The following UTRN variants were observed in gnomAD, a reference collection of about 807,000 sequenced individuals.
The protein encoded by UTRN is dystrophin-related protein 1.
UTRN carries 283 observed loss-of-function variants against 463.9 expected under a neutral mutation model. The ratio of observed to expected loss-of-function variants is 0.61; its 90% confidence interval spans 0.55 to 0.67. UTRN has a LOEUF of 0.67. UTRN is among the 30% of genes least tolerant of loss of function. The probability of loss-of-function intolerance (pLI) is 0.00; values close to 1 mark genes in which losing one functional copy is unlikely to be tolerated. For missense variants in UTRN, 3,922 were observed against 4,084.3 expected, an observed-to-expected ratio of 0.96 and a Z score of 1.08; for synonymous variants, 1,442 against 1,431.5, an observed-to-expected ratio of 1.01 and a Z score of -0.17.
intron 51 of UTRN, among the ~76,000 whole-genome samples, chr6:144,678,073 C>CAA (rs1415355020): frequency 5.9e-5 from 9 of 152,032 alleles, no homozygotes; most frequent in Non-Finnish European, 1.0e-4. Context: ...ATGGTAGTTT[C>CAA]TTTTGCTGCC....
At chr6:144,372,603 T>TCC (rs1161845615) in intron 2 of UTRN, among the ~76,000 whole-genome samples, 1 of 151,916 alleles carries the variant, frequency 6.6e-6, no homozygotes, top group African/African-American at 2.4e-5. Context: ...CAAGCGATTC[T>TCC]CCTCCCTCAA....
intron 58 of UTRN, among the ~76,000 whole-genome samples, chr6:144,764,223 C>T (rs1793019115): frequency 6.6e-6 from 1 of 152,106 alleles, no homozygotes; most frequent in African/African-American, 2.4e-5. Flanking sequence ...GATAAATGAG[C>T]ATAAGCATAC....
intron 74 of UTRN, among the ~76,000 whole-genome samples, chr6:144,847,436 C>A (rs962668938): frequency 6.6e-6 from 1 of 151,216 alleles, no homozygotes; most frequent in African/African-American, 2.4e-5. Context: ...TTGTTTTTTC[C>A]CAAAAAGGAT....
At chr6:144,367,758 A>T (rs1779633896) in intron 2 of UTRN, among the ~76,000 whole-genome samples, 1 of 151,592 alleles carries the variant, frequency 6.6e-6, no homozygotes, top group African/African-American at 2.4e-5. Flanking sequence ...GAATGTGAAA[A>T]CCCCTATATA....
chr6:144,602,134 T>C (rs1029956478), intron 51 of UTRN, among the ~76,000 whole-genome samples: 1 of 152,118 alleles, frequency 6.6e-6, no homozygotes, highest in Admixed American at 6.6e-5. Flanking sequence ...CATTTTTTTT[T>C]TATTTTTCTT....
intron 66 of UTRN, among the ~76,000 whole-genome samples, chr6:144,822,275 A>G (rs1052825880): frequency 6.6e-6 from 1 of 152,108 alleles, no homozygotes; most frequent in Non-Finnish European, 1.5e-5. Context: ...TTATTTGTGG[A>G]ATGGCTAAGA....
At chr6:144,445,772 C>T (rs559645551) in intron 14 of UTRN, among the ~76,000 whole-genome samples, 6 of 151,980 alleles carry the variant, frequency 3.9e-5, no homozygotes, top group African/African-American at 9.7e-5. Flanking sequence ...AGGCTGGGCG[C>T]GGTGGATCAC....
intron 2 of UTRN, among the ~76,000 whole-genome samples, chr6:144,401,721 T>G (rs565392358): frequency 6.6e-6 from 1 of 152,314 alleles, no homozygotes; most frequent in Non-Finnish European, 1.5e-5. Context: ...GAATGACCTT[T>G]TAATTACAAA....
intron 51 of UTRN, among the ~76,000 whole-genome samples, chr6:144,587,338 T>C (rs1434529330): frequency 6.6e-6 from 1 of 152,166 alleles, no homozygotes; most frequent in African/African-American, 2.4e-5. Flanking sequence ...ACCTGGGAAG[T>C]CACGATTGAC....
intron 51 of UTRN, among the ~76,000 whole-genome samples, chr6:144,618,321 T>C (rs1806355347): frequency 6.6e-6 from 1 of 152,204 alleles, no homozygotes; most frequent in Non-Finnish European, 1.5e-5. Context: ...TTAAATATTA[T>C]ATTTACTTTT....
chr6:144,573,058 G>A (rs1476545382), intron 50 of UTRN, among the ~76,000 whole-genome samples: 1 of 152,146 alleles, frequency 6.6e-6, no homozygotes, highest in Non-Finnish European at 1.5e-5. Flanking sequence ...TCCAGCATCT[G>A]TTTTATCCCG....
rs397960296 is a variant in UTRN at position 144,395,401 on chromosome 6, G to GTT, written c.80-7706_80-7705dup. ...ATATGGTTGATAGAAAAGATGTTGA[G>GTT]TTTTTTTTTTTTTTTTTGCAAAATA... On this transcript the variant is annotated intron_variant, in intron 2 of 74. Coordinates refer to ENST00000367545, the MANE Select transcript of UTRN (RefSeq NM_007124.3). 0.018 allele frequency among the ~76,000 whole-genome samples: 2,276 copies of GTT among 127,690 alleles called. 96 individuals are homozygous for GTT. The East Asian group carries it at 0.2, about 11-fold the overall frequency. 83.8% of individuals were successfully genotyped at this position (127,690 alleles called of 152,430 possible).
intron 51 of UTRN, among the ~76,000 whole-genome samples, chr6:144,614,343 A>G (rs1805841650): frequency 6.6e-6 from 1 of 152,138 alleles, no homozygotes; most frequent in African/African-American, 2.4e-5. Flanking sequence ...AAGAGTGAAA[A>G]GAGTGGCTAC....
chr6:144,761,216 C>G (rs1381325318), intron 58 of UTRN, among the ~76,000 whole-genome samples: 1 of 151,790 alleles, frequency 6.6e-6, no homozygotes, highest in Non-Finnish European at 1.5e-5. Flanking sequence ...TAGCATAAAC[C>G]TCTCTATTTG....
At chr6:144,471,167 A>G (rs1031887278) in intron 23 of UTRN, among the ~76,000 whole-genome samples, 2 of 151,780 alleles carry the variant, frequency 1.3e-5, no homozygotes, top group Admixed American at 6.6e-5. Context: ...AGGAACAGAT[A>G]CATGTGAATT....
At chr6:144,675,470 C>G (rs1223582899) in intron 51 of UTRN, among the ~76,000 whole-genome samples, 3 of 152,180 alleles carry the variant, frequency 2.0e-5, no homozygotes, top group Non-Finnish European at 4.4e-5. Context: ...TGAACAGACT[C>G]AGGACTTGTG....
rs538692702 is a variant in UTRN at position 144,312,330 on chromosome 6, A to G, written c.79+20423A>G. Among the ~76,000 whole-genome samples the G allele has an allele frequency of 9.2e-5, 14 of 151,984 alleles. 1 individual carries two copies. In the South Asian group the frequency reaches 2.5e-3, roughly 27 times the overall value. On this transcript the variant is annotated intron_variant, in intron 2 of 74. Transcript: ENST00000367545. ...TCCCAGCTACTCGGAAGGCTGAGGC[A>G]GGAGAATGGTGTGAACCCAGGAGGC...
intron 11 of UTRN, 54 bp downstream of exon 11, chr6:144,437,800 G>A (rs1381369523): frequency 4.5e-6 from 7 of 1,548,784 alleles, no homozygotes; most frequent in Non-Finnish European, 6.1e-6. Flanking sequence ...TTGCACAGTT[G>A]AGCTCTAGTA....
At chr6:144,570,606 A>G (rs1324332052) in intron 50 of UTRN, among the ~76,000 whole-genome samples, 1 of 152,234 alleles carries the variant, frequency 6.6e-6, no homozygotes, top group East Asian at 1.9e-4. Context: ...TACAAAGTGA[A>G]TATTTTTTAA....
Sources: allele counts gnomAD v4.1 joint callset (sites outside exome capture counted in the v4.1 genomes callset), GRCh38; gene constraint gnomAD v4.1.1; transcripts MANE v1.5; gene names NCBI Gene and HGNC (gene_info 2026-07-23, HGNC 2026-07-21).